Variants in TNPO3 observed in about 807,000 individuals in gnomAD.
TNPO3 encodes transportin-3.
A neutral mutation model predicts 122.8 loss-of-function variants in TNPO3; 65 were observed. The ratio of observed to expected loss-of-function variants is 0.53; its 90% CI spans 0.43 to 0.65. The LOEUF is 0.65. Ranked by LOEUF, TNPO3 falls within the 30% of genes least tolerant of loss-of-function variation. The pLI is 0.00. For synonymous variants in TNPO3, 372 were observed against 411.2 expected, an observed-to-expected ratio of 0.90 and a Z score of 1.15; for missense variants, 850 against 1,136.7, an observed-to-expected ratio of 0.75 and a Z score of 3.63.
At chr7:128,999,871 C>T (rs2150375522) in intron 7 of TNPO3, among the ~76,000 whole-genome samples, 1 of 152,156 alleles carries the variant, frequency 6.6e-6, no homozygotes, top group East Asian at 1.9e-4. Context: ...CCTCGGCCTC[C>T]CAAAATGCTG....
At chr7:128,956,651 A>G (rs992231978) in intron 22 of TNPO3, among the ~76,000 whole-genome samples, 9 of 152,224 alleles carry the variant, frequency 5.9e-5, no homozygotes, top group Admixed American at 6.5e-5. Context: ...ATCCCAAAAA[A>G]TCCAAAATTG....
In TNPO3 at chr7:128,982,310, C is replaced by T. The variant is rs774742031; in HGVS notation, c.1797G>A (p.Glu599=). 9 of 1,613,168 alleles carry T rather than the reference C, an allele frequency of 5.6e-6. No homozygotes were observed. The South Asian group carries it at 9.9e-5, about 18-fold the overall frequency. ...GATCTGAGGATATGCCATTGCTGGG[C>T]TCTTGAGACAACAGCTGAAGAGACA... ...VMALKKLLSQ[E]PSNGISSDPT... The change falls in exon 14 of 23, where the codon GAG becomes GAA. Residue 599 remains glutamate (E), a synonymous_variant. Transcript: ENST00000265388.
Position 128,990,114 on chromosome 7 carries a change from G to A in TNPO3, c.1359-14C>T, listed in dbSNP as rs754688579. On this transcript the variant is annotated splice_polypyrimidine_tract_variant and intron_variant, in intron 10 of 22. Transcript: ENST00000265388. ...GGATTGTTTTCCCTGAGTACAGGCG[G>A]TAAGTACTCACAGTTACTGATTTCA... 6.2e-6 allele frequency: 10 copies of A among 1,614,186 alleles called. No homozygotes were observed. In the South Asian group the frequency reaches 9.9e-5, roughly 16 times the overall value.
chr7:128,964,287 T>C (rs1392284767), intron 21 of TNPO3, among the ~76,000 whole-genome samples: 3 of 149,866 alleles, frequency 2.0e-5, no homozygotes, highest in Non-Finnish European at 4.4e-5. Flanking sequence ...AAATCTACCC[T>C]AAAATTCATA....
intron 1 of TNPO3, among the ~76,000 whole-genome samples, chr7:129,054,428 T>A (rs1346007411): frequency 3.3e-5 from 5 of 152,030 alleles, no homozygotes; most frequent in African/African-American, 1.2e-4. Context: ...GACCTACAAA[T>A]CAGATTCTGC....
intron 1 of TNPO3, among the ~76,000 whole-genome samples, chr7:129,031,340 T>G (rs559453023): frequency 6.6e-6 from 1 of 151,696 alleles, no homozygotes; most frequent in South Asian, 2.1e-4. Context: ...AGGATTTAAA[T>G]AACTAATCAG....
chr7:129,015,240 C>T, intron 3 of TNPO3, 105 bp from the exon 4 acceptor site: 6 of 1,160,142 alleles, frequency 5.2e-6, no homozygotes, highest in East Asian at 2.6e-5. Context: ...GCAACATTCC[C>T]ACCACTGTTA....
At chr7:129,012,134 T>C (rs973277660) in intron 4 of TNPO3, among the ~76,000 whole-genome samples, 2 of 150,856 alleles carry the variant, frequency 1.3e-5, no homozygotes, top group African/African-American at 4.9e-5. Context: ...GCCTCCCGAC[T>C]AGCTGGGACT....
intron 18 of TNPO3, 69 bp downstream of exon 18, chr7:128,974,799 G>A (rs1310578630): frequency 7.9e-7 from 1 of 1,272,786 alleles, no homozygotes; most frequent in Non-Finnish European, 1.1e-6. Context: ...AAACAACCAA[G>A]GGTCAGATGG....
intron 1 of TNPO3, among the ~76,000 whole-genome samples, chr7:129,021,638 A>T (rs1029856554): frequency 6.6e-6 from 1 of 152,222 alleles, no homozygotes; most frequent in Non-Finnish European, 1.5e-5. Context: ...TAAGCAACTG[A>T]GGTCAAATGT....
intron 21 of TNPO3, among the ~76,000 whole-genome samples, chr7:128,961,804 A>G (rs1349401072): frequency 6.6e-6 from 1 of 152,150 alleles, no homozygotes; most frequent in East Asian, 1.9e-4. Flanking sequence ...TGAAACTCTG[A>G]TGACTTGACT....
intron 1 of TNPO3, among the ~76,000 whole-genome samples, chr7:129,025,679 C>G (rs1805065360): frequency 7.8e-6 from 1 of 128,320 alleles, no homozygotes; most frequent in African/African-American, 2.9e-5. Context: ...TCCCAAAGTG[C>G]CAGGATTACA....
intron 1 of TNPO3, 31 bp downstream of exon 1, chr7:129,054,620 C>A: frequency 1.2e-6 from 2 of 1,610,238 alleles, no homozygotes; most frequent in African/African-American, 1.3e-5. Context: ...CCCGGCCGTG[C>A]GGCACAGAAC....
intron 8 of TNPO3, among the ~76,000 whole-genome samples, chr7:128,995,670 G>A (rs1801229025): frequency 6.6e-6 from 1 of 151,076 alleles, no homozygotes; most frequent in Non-Finnish European, 1.5e-5. Flanking sequence ...AGGCTTCCAA[G>A]TAAAATGTGG....
intron 18 of TNPO3, among the ~76,000 whole-genome samples, chr7:128,972,980 G>T (rs1798645565): frequency 6.6e-6 from 1 of 152,012 alleles, no homozygotes; most frequent in Non-Finnish European, 1.5e-5. Context: ...ACTCAAATTT[G>T]CAGTGAACCT....
intron 4 of TNPO3, among the ~76,000 whole-genome samples, chr7:129,009,444 T>C (rs765138162): frequency 6.6e-6 from 1 of 152,234 alleles, no homozygotes; most frequent in Non-Finnish European, 1.5e-5. Context: ...CATTTTGGAC[T>C]AATTTCATCC....
intron 18 of TNPO3, 60 bp from the exon 19 acceptor site, chr7:128,972,642 G>T: frequency 6.7e-7 from 1 of 1,502,782 alleles, no homozygotes; most frequent in Non-Finnish European, 9.1e-7. Flanking sequence ...AGCAGCCAGG[G>T]TAAAAGGGCA....
intron 11 of TNPO3, among the ~76,000 whole-genome samples, chr7:128,988,850 G>A (rs555315576): frequency 3.9e-5 from 6 of 152,132 alleles, no homozygotes; most frequent in East Asian, 1.9e-4. Flanking sequence ...AGGCTGAGGC[G>A]GGCAGATTAC....
chr7:128,987,093 A>C (rs1800242228), intron 11 of TNPO3, among the ~76,000 whole-genome samples, 173 bp from the exon 12 acceptor site: 2 of 152,222 alleles, frequency 1.3e-5, no homozygotes. Context: ...AGCTGATCTC[A>C]CTTACATATT....
Sources: allele counts gnomAD v4.1 joint callset (sites outside exome capture counted in the v4.1 genomes callset), GRCh38; gene constraint gnomAD v4.1.1; transcripts MANE v1.5; gene names NCBI Gene and HGNC (gene_info 2026-07-23, HGNC 2026-07-21).